ATP8A1: variants seen among roughly 807,000 people sequenced by gnomAD.
ATP8A1 encodes the protein ATPase phospholipid transporting 8A1, also known as phospholipid-transporting ATPase IA.
ATP8A1 carries 90 observed loss-of-function variants against 177.7 expected under a neutral mutation model. The observed-to-expected ratio is 0.51, with a 90% CI of 0.43 to 0.60. The LOEUF (loss-of-function observed/expected upper bound fraction) is 0.60. Ranked by LOEUF, ATP8A1 falls within the 20% of genes least tolerant of loss-of-function variation. ATP8A1 has a pLI of 0.00. For missense variants in ATP8A1, 1,072 were observed against 1,392.8 expected (o/e 0.77, Z 3.67); for synonymous variants, 493 against 485.9 (o/e 1.01, Z -0.19).
At chr4:42,435,426 C>CAAAAAAAAAAAAAAAAAAAAAAAAAAA (rs55945370) in intron 33 of ATP8A1, among the ~76,000 whole-genome samples, 1 of 93,958 alleles carries the variant, frequency 1.1e-5, no homozygotes, top group African/African-American at 3.8e-5. Context: ...GACTTCATCT[C>CAAAAAAAAAAAAAAAAAAAAAAAAAAA]AAAAAAAAAA....
At chr4:42,573,690 A>AT (rs542303501) in intron 14 of ATP8A1, among the ~76,000 whole-genome samples, 35 of 152,140 alleles carry the variant, frequency 2.3e-4, no homozygotes, top group Non-Finnish European at 4.1e-4. Flanking sequence ...TACTTTTGGG[A>AT]TTTTTCATGA....
intron 15 of ATP8A1, among the ~76,000 whole-genome samples, chr4:42,566,923 G>A (rs377093853): frequency 4.6e-5 from 7 of 152,198 alleles, no homozygotes; most frequent in Non-Finnish European, 1.0e-4. Context: ...CACTCAGTGT[G>A]GGCTGACTAT....
intron 24 of ATP8A1, among the ~76,000 whole-genome samples, chr4:42,494,160 C>CAAAAAA (rs1453357541): frequency 8.7e-5 from 1 of 11,482 alleles, no homozygotes. Flanking sequence ...AAGATCATGC[C>CAAAAAA]ACAAAAAAAA....
intron 4 of ATP8A1, among the ~76,000 whole-genome samples, chr4:42,620,419 T>C (rs1034774429): frequency 2.6e-5 from 4 of 152,238 alleles, no homozygotes; most frequent in African/African-American, 9.6e-5. Flanking sequence ...AGTACCTGAT[T>C]ATTATATTAT....
At chr4:42,505,690 G>T (rs1034941515) in intron 23 of ATP8A1, among the ~76,000 whole-genome samples, 15 of 152,146 alleles carry the variant, frequency 9.9e-5, no homozygotes, top group African/African-American at 3.6e-4. Flanking sequence ...TACAGGATAT[G>T]TTAGGCTGAC....
intron 16 of ATP8A1, among the ~76,000 whole-genome samples, chr4:42,552,871 C>G (rs993048191): frequency 6.6e-6 from 1 of 152,100 alleles, no homozygotes; most frequent in Non-Finnish European, 1.5e-5. Context: ...GCCAGCTATT[C>G]GGGAAGCTGA....
chr4:42,627,494 T>C (rs1221513599), intron 1 of ATP8A1, among the ~76,000 whole-genome samples: 2 of 152,234 alleles, frequency 1.3e-5, no homozygotes, highest in Non-Finnish European at 2.9e-5. Context: ...AATTAAAGCA[T>C]ATGCATTTAA....
chr4:42,471,681 T>C (rs536602304), intron 25 of ATP8A1: 9 of 269,980 alleles, frequency 3.3e-5, no homozygotes, highest in African/African-American at 1.8e-4. Context: ...TTATCTACAA[T>C]ATTGCTGTTC....
intron 20 of ATP8A1, among the ~76,000 whole-genome samples, chr4:42,528,108 A>C (rs1224627795): frequency 6.6e-6 from 1 of 152,134 alleles, no homozygotes; most frequent in Non-Finnish European, 1.5e-5. Flanking sequence ...TCAGGTAATT[A>C]ATGGAGTTTT....
intron 33 of ATP8A1, among the ~76,000 whole-genome samples, chr4:42,438,117 G>T (rs1036169938): frequency 6.6e-6 from 1 of 152,178 alleles, no homozygotes. Flanking sequence ...GGAAAGAAAA[G>T]ATGAGAGAAG....
intron 15 of ATP8A1, among the ~76,000 whole-genome samples, chr4:42,564,237 G>C (rs980460165): frequency 6.6e-6 from 1 of 152,178 alleles, no homozygotes. Context: ...AGTGCAGAAG[G>C]AAAATGTGGG....
chr4:42,621,213 T>C (rs1459077833), intron 4 of ATP8A1, among the ~76,000 whole-genome samples: 2 of 152,258 alleles, frequency 1.3e-5, no homozygotes, highest in African/African-American at 2.4e-5. Flanking sequence ...AAGAAGACTA[T>C]GCTGTTTTAT....
chr4:42,583,749 G>T (rs528118287), intron 9 of ATP8A1, among the ~76,000 whole-genome samples: 1 of 152,272 alleles, frequency 6.6e-6, no homozygotes, highest in South Asian at 2.1e-4. Context: ...CAGATACAAA[G>T]GTCTTGAAAA....
intron 25 of ATP8A1, among the ~76,000 whole-genome samples, chr4:42,485,032 G>C (rs1043292908): frequency 6.6e-6 from 1 of 152,132 alleles, no homozygotes; most frequent in African/African-American, 2.4e-5. Flanking sequence ...TTTAATTTAG[G>C]ATATAGGCAA....
At chr4:42,460,452 G>C (rs978241538) in intron 27 of ATP8A1, among the ~76,000 whole-genome samples, 15 of 139,116 alleles carry the variant, frequency 1.1e-4, no homozygotes, top group African/African-American at 4.0e-4. Flanking sequence ...CAGTGGCACA[G>C]TCTTGGCTCA....
intron 22 of ATP8A1, among the ~76,000 whole-genome samples, chr4:42,520,003 A>C (rs780468388): frequency 1.6e-4 from 25 of 152,250 alleles, no homozygotes; most frequent in Non-Finnish European, 3.1e-4. Context: ...AATGTAGCTC[A>C]TGATCGCCAT....
chr4:42,539,316 T>G (rs1193634197), intron 20 of ATP8A1, among the ~76,000 whole-genome samples: 6 of 151,888 alleles, frequency 4.0e-5, no homozygotes. Flanking sequence ...TCGCGTACAC[T>G]GCTTGGGTGA....
chr4:42,641,501 T>G (rs947222324), intron 1 of ATP8A1, among the ~76,000 whole-genome samples: 5 of 144,158 alleles, frequency 3.5e-5, no homozygotes, highest in Non-Finnish European at 7.8e-5. Context: ...CTTTTAAATT[T>G]CTTTTTTTTT....
chr4:42,531,579 A>G (rs1299042200), intron 20 of ATP8A1, among the ~76,000 whole-genome samples: 1 of 152,232 alleles, frequency 6.6e-6, no homozygotes, highest in African/African-American at 2.4e-5. Flanking sequence ...GCAATCAACA[A>G]GAGAAAAAAA....
Sources: gnomAD v4.1 joint callset for allele counts (sites outside exome capture counted in the v4.1 genomes callset) on GRCh38, gnomAD v4.1.1 for gene constraint, MANE v1.5 for transcripts, NCBI Gene and HGNC (gene_info 2026-07-23, HGNC 2026-07-21) for gene names.